The following DLGAP1 variants were observed in gnomAD, a reference collection of about 807,000 sequenced individuals.
DLGAP1 encodes disks large-associated protein 1.
DLGAP1 carries 11 observed loss-of-function variants against 90.8 expected under a neutral mutation model. That is an observed-to-expected ratio of 0.12 (90% CI 0.08 to 0.20). The LOEUF (loss-of-function observed/expected upper bound fraction) is 0.20, where lower values mean the gene tolerates loss of function less well. DLGAP1 is among the 10% of genes least tolerant of loss of function. The pLI is 1.00. For missense variants in DLGAP1, 1,050 were observed against 1,333.8 expected, an observed-to-expected ratio of 0.79 and a Z score of 3.31; for synonymous variants, 558 against 540.7, an observed-to-expected ratio of 1.03 and a Z score of -0.44.
intron 3 of DLGAP1, among the ~76,000 whole-genome samples, chr18:3,950,245 T>C (rs908389740): frequency 2.6e-5 from 4 of 152,204 alleles, no homozygotes; most frequent in Non-Finnish European, 5.9e-5. Flanking sequence ...TGCAACCATC[T>C]TTGCTGGTTT....
At chr18:3,615,904 T>C (rs1308453258) in intron 7 of DLGAP1, among the ~76,000 whole-genome samples, 1 of 152,198 alleles carries the variant, frequency 6.6e-6, no homozygotes, top group Non-Finnish European at 1.5e-5. Flanking sequence ...AAGAAATGTG[T>C]ATTTTAAAAG....
chr18:3,728,406 C>T lies in DLGAP1; in HGVS notation c.1591+729G>A, dbSNP rs183396748. 1.3e-4 allele frequency among the ~76,000 whole-genome samples: 20 copies of T among 151,080 alleles called. 1 individual carries two copies. The East Asian group carries it at 3.7e-3, about 28-fold the overall frequency. On this transcript the variant is annotated intron_variant, in intron 7 of 12. Coordinates refer to ENST00000315677, the MANE Select transcript of DLGAP1 (RefSeq NM_004746.4). ...CATATGCACACATTGTCATATATAGCCCACGGCTATATTATTATGCAGGTT... is the reference window on the plus strand; with the variant it reads ...CATATGCACACATTGTCATATATAGTCCACGGCTATATTATTATGCAGGTT...
intron 2 of DLGAP1, among the ~76,000 whole-genome samples, chr18:4,045,593 C>T (rs1229271096): frequency 6.6e-6 from 1 of 151,454 alleles, no homozygotes; most frequent in African/African-American, 2.4e-5. Context: ...CAGAGCAAGA[C>T]CCTGGTCTCA....
chr18:3,741,689 C>T (rs1019438995), intron 6 of DLGAP1, among the ~76,000 whole-genome samples: 4 of 152,222 alleles, frequency 2.6e-5, no homozygotes, highest in African/African-American at 9.6e-5. Context: ...TTAATTCTCA[C>T]CTTGATGATC....
chr18:3,789,551 G>A (rs1011526749), intron 5 of DLGAP1, among the ~76,000 whole-genome samples: 4 of 152,192 alleles, frequency 2.6e-5, no homozygotes, highest in Admixed American at 6.5e-5. Flanking sequence ...GGACCATAGG[G>A]TGTATCAATA....
At position 4,132,835 on chromosome 18, in the gene DLGAP1, G is replaced by T. The variant is rs566648456; in HGVS notation, c.-159+18345C>A. Among the ~76,000 whole-genome samples, 22 of 152,226 alleles carry T rather than the reference G, an allele frequency of 1.4e-4. 1 individual carries two copies. Among genetic ancestry groups the T allele is most frequent in the African/African-American group, 4.8e-4 (20 of 41,546 alleles). ...GCTGGGTATTACGAAAGCTTCAAAA[G>T]CATAATTCCTGTTATCCAGGAGCTT... On this transcript the variant is annotated intron_variant, in intron 2 of 12. Coordinates refer to ENST00000315677, the MANE Select transcript of DLGAP1 (RefSeq NM_004746.4).
chr18:4,299,121 T>G (rs1006408049), intron 1 of DLGAP1, among the ~76,000 whole-genome samples: 1 of 147,258 alleles, frequency 6.8e-6, no homozygotes, highest in African/African-American at 2.5e-5. Flanking sequence ...TAGAAGCAAA[T>G]TCTTGGGCCC....
intron 3 of DLGAP1, among the ~76,000 whole-genome samples, chr18:3,990,967 T>C (rs2073955699): frequency 6.6e-6 from 1 of 152,026 alleles, no homozygotes; most frequent in Non-Finnish European, 1.5e-5. Context: ...TATGTGAAGA[T>C]TTAATGGAGT....
chr18:4,107,562 A>C (rs2075891365), intron 2 of DLGAP1, among the ~76,000 whole-genome samples: 1 of 152,196 alleles, frequency 6.6e-6, no homozygotes, highest in Admixed American at 6.5e-5. Flanking sequence ...AGGTTTTAAT[A>C]TTTAGGCTGT....
chr18:4,440,394 T>C (rs1189369597), intron 1 of DLGAP1, among the ~76,000 whole-genome samples: 1 of 152,188 alleles, frequency 6.6e-6, no homozygotes, highest in Non-Finnish European at 1.5e-5. Context: ...TATAAATAAA[T>C]TGATTTTCAG....
chr18:4,347,954 A>G (rs945165232), intron 1 of DLGAP1, among the ~76,000 whole-genome samples: 2 of 152,114 alleles, frequency 1.3e-5, no homozygotes, highest in African/African-American at 4.8e-5. Context: ...AAAATAATTT[A>G]GTAAGGCAAC....
chr18:4,122,642 T>C lies in DLGAP1; in HGVS notation c.-159+28538A>G, dbSNP rs547231534. On this transcript the variant is annotated intron_variant, in intron 2 of 12. Coordinates refer to ENST00000315677, the MANE Select transcript of DLGAP1 (RefSeq NM_004746.4). ...GGCAAGCCTGCCAGTTAAATGATGA[T>C]TGATTAGATGGTAAGAGACCATCCA... Among the ~76,000 whole-genome samples the C allele has an allele frequency of 3.9e-5, 6 of 152,250 alleles. No individual in the cohort carries two copies. In the East Asian group the frequency reaches 7.7e-4, roughly 20 times the overall value.
intron 1 of DLGAP1, among the ~76,000 whole-genome samples, chr18:4,327,059 A>G (rs1339145855): frequency 6.7e-6 from 1 of 148,570 alleles, no homozygotes. Context: ...GGGGGTGGGA[A>G]TGAAGGAATG....
intron 4 of DLGAP1, among the ~76,000 whole-genome samples, chr18:3,817,967 G>A (rs1598867812): frequency 6.6e-6 from 1 of 152,330 alleles, no homozygotes; most frequent in African/African-American, 2.4e-5. Context: ...GAGACAAAGA[G>A]TGCAGGTCCT....
At position 3,879,291 on chromosome 18, in the gene DLGAP1, A is replaced by T; in HGVS notation, c.778T>A (p.Ser260Thr). 2 of 1,595,790 alleles carry T rather than the reference A, an allele frequency of 1.3e-6. No individual in the cohort carries two copies. Among genetic ancestry groups the T allele is most frequent in the Non-Finnish European group, 1.7e-6 (2 of 1,170,558 alleles). Reference sequence around the variant, plus strand: ...CTGACCGGCAGGTTGGCGCAGGTGGAGCACTTGACGTCGTTGTTGCTCCGG... The same window carrying T: ...CTGACCGGCAGGTTGGCGCAGGTGGTGCACTTGACGTCGTTGTTGCTCCGG... Reference protein sequence around the residue: ...ASRSNNDVKCSTCANLPVSLD... With the variant: ...ASRSNNDVKCTTCANLPVSLD... The change falls in exon 4 of 13, where the codon TCC (serine) becomes ACC (threonine). Residue 260 changes from serine (S) to threonine (T), a missense_variant. Ser to Thr is a moderately conservative substitution (Grantham distance 58). Coordinates refer to ENST00000315677, the MANE Select transcript of DLGAP1 (RefSeq NM_004746.4). The surrounding 1 kb of genome is among the most constrained non-coding windows in gnomAD (Gnocchi z 6.6).
chr18:4,328,226 C>T (rs1003236180), intron 1 of DLGAP1, among the ~76,000 whole-genome samples: 15 of 151,990 alleles, frequency 9.9e-5, no homozygotes, highest in East Asian at 5.8e-4. Flanking sequence ...TTTTTTTCCT[C>T]GCTCTCTCTC....
At chr18:4,039,223 G>A (rs558823522) in intron 2 of DLGAP1, among the ~76,000 whole-genome samples, 8 of 152,266 alleles carry the variant, frequency 5.3e-5, no homozygotes, top group East Asian at 1.9e-4. Context: ...GGGTGGAGAC[G>A]ATAGTTTACT....
chr18:3,580,553 G>A (rs1306188191), intron 8 of DLGAP1: 15 of 1,595,400 alleles, frequency 9.4e-6, no homozygotes, highest in Non-Finnish European at 1.3e-5. Flanking sequence ...GGAGGTGGCA[G>A]AGCCAGAGGA....
intron 1 of DLGAP1, among the ~76,000 whole-genome samples, chr18:4,186,251 T>C (rs1331983907): frequency 6.6e-6 from 1 of 152,212 alleles, no homozygotes; most frequent in African/African-American, 2.4e-5. Flanking sequence ...TTTGACAGTT[T>C]CTTTTGCAGT....
Sources: gnomAD v4.1 joint callset for allele counts (sites outside exome capture counted in the v4.1 genomes callset) on GRCh38, gnomAD v4.1.1 for gene constraint, Gnocchi (gnomAD v3.1) non-coding constraint, MANE v1.5 for transcripts, NCBI Gene and HGNC (gene_info 2026-07-23, HGNC 2026-07-21) for gene names.